HMCN2: variants seen among roughly 807,000 people sequenced by gnomAD.
The protein encoded by HMCN2 is hemicentin 2, also known as hemicentin-2.
In HMCN2, 325 loss-of-function variants were observed where a neutral mutation model predicts 377.5. The observed-to-expected ratio is 0.86, with a 90% confidence interval of 0.79 to 0.94. The LOEUF is 0.94. Among genes scored for constraint, HMCN2 ranks in the 40% least tolerant of loss-of-function variants. The pLI, the probability that HMCN2 is intolerant of heterozygous loss-of-function variation, is 0.00. For synonymous variants in HMCN2, 2,007 were observed against 2,046.8 expected (o/e 0.98, Z 0.53); for missense variants, 4,543 against 4,725.3 (o/e 0.96, Z 1.13).
intron 54 of HMCN2, among the ~76,000 whole-genome samples, chr9:130,381,058 A>G (rs370271818): frequency 3.3e-3 from 508 of 152,072 alleles, no homozygotes; most frequent in South Asian, 0.011. Context: ...CTCCAACCCT[A>G]CCACTCACCT....
intron 84 of HMCN2, 91 bp downstream of exon 84, chr9:130,409,024 T>A: frequency 1.1e-6 from 1 of 879,246 alleles, no homozygotes; most frequent in Non-Finnish European, 1.6e-6. Flanking sequence ...TATTGCCCCC[T>A]CTGCTTCTGC....
chr9:130,407,075 A>G (rs1843134333), intron 82 of HMCN2: 2 of 153,720 alleles, frequency 1.3e-5, no homozygotes, highest in Non-Finnish European at 2.9e-5. Context: ...ACATGGTGAA[A>G]CCCCATCTCT....
chr9:130,341,435 C>A (rs1301552063), intron 24 of HMCN2, 70 bp downstream of exon 24: 3 of 152,380 alleles, frequency 2.0e-5, no homozygotes, highest in African/African-American at 7.2e-5. Flanking sequence ...TTGGGAGGTG[C>A]TCGTCTCTGT....
At chr9:130,429,810 G>A in intron 94 of HMCN2, 125 bp downstream of exon 94, 1 of 1,427,222 alleles carries the variant, frequency 7.0e-7, no homozygotes, top group Non-Finnish European at 9.2e-7. Flanking sequence ...CTCAGCTCAG[G>A]GGCTGAGGGT....
chr9:130,364,380 TA>T (rs1188897101), intron 40 of HMCN2, among the ~76,000 whole-genome samples: 3 of 152,230 alleles, frequency 2.0e-5, no homozygotes, highest in South Asian at 4.1e-4. Context: ...GAGACCTGCT[TA>T]AAAAAATTTT....
At chr9:130,312,539 C>CTTTCTTTCTTTCTTTCTTT (rs1837308978) in intron 15 of HMCN2, among the ~76,000 whole-genome samples, 1 of 6,620 alleles carries the variant, frequency 1.5e-4, no homozygotes, top group African/African-American at 3.9e-4. Flanking sequence ...CTCCCTCCCT[C>CTTTCTTTCTTTCTTTCTTT]CTTTCTTTCT....
chr9:130,398,321 G>C (rs1588394035), intron 74 of HMCN2, among the ~76,000 whole-genome samples: 1 of 152,176 alleles, frequency 6.6e-6, no homozygotes, highest in Admixed American at 6.5e-5. Context: ...AGGCCTGGAG[G>C]CTTCAGTCAA....
rs1466159010 is a variant in HMCN2, at chr9:130,430,523, C to T, written c.14566C>T (p.Arg4856Cys). 50 of 1,550,500 alleles carry T rather than the reference C, an allele frequency of 3.2e-5. No individual in the cohort carries two copies. Among genetic ancestry groups the T allele is most frequent in the Non-Finnish European group, 4.0e-5 (46 of 1,146,990 alleles). The stretch of plus-strand genomic sequence containing the variant: ...CTCCTACCACGCCTGGGTCTCTCTC[C>T]GTCCGGGTCCCATGGCCCTGAGCAG... ...GTSYHAWVSLRPGPMALSSVG... is the reference protein window; with the variant it reads ...GTSYHAWVSLCPGPMALSSVG... Residue 4856 changes from arginine (R) to cysteine (C), a missense_variant, in exon 95 of 98, where the codon CGT (arginine) becomes TGT (cysteine). Coordinates refer to ENST00000683500, the MANE Select transcript of HMCN2 (RefSeq NM_001291815.2).
intron 85 of HMCN2, among the ~76,000 whole-genome samples, chr9:130,412,349 C>T (rs939536051): frequency 6.6e-6 from 1 of 152,106 alleles, no homozygotes; most frequent in Non-Finnish European, 1.5e-5. Flanking sequence ...GGATATAGCC[C>T]TTTATCAGAT....
intron 72 of HMCN2, 28 bp downstream of exon 72, chr9:130,396,093 T>A (rs748389341): frequency 7.4e-6 from 1 of 135,012 alleles, no homozygotes; most frequent in Admixed American, 1.1e-4. Flanking sequence ...CACCCCACCC[T>A]GCCCACCTTA....
chr9:130,400,007 C>T (rs1015192794), intron 76 of HMCN2, among the ~76,000 whole-genome samples: 14 of 152,370 alleles, frequency 9.2e-5, no homozygotes, highest in Non-Finnish European at 1.3e-4. Context: ...ATTCAGCTCA[C>T]GCCAGACCTG....
rs967625080 is a variant in HMCN2, at chr9:130,383,130, C to T, written c.8733+264C>T. Among the ~76,000 whole-genome samples, 7 of 152,304 alleles carry T rather than the reference C, an allele frequency of 4.6e-5. No homozygotes were observed. The South Asian group carries it at 6.2e-4, about 14-fold the overall frequency. On this transcript the variant is annotated intron_variant, in intron 56 of 97. Transcript: ENST00000683500. ...CAGCACCGCACACAGCAGCCTTCCGCGGGATCACCAGCTGGCGCGTGCAGA... is the reference window on the plus strand; with the variant it reads ...CAGCACCGCACACAGCAGCCTTCCGTGGGATCACCAGCTGGCGCGTGCAGA...
rs1425877383 is a variant in HMCN2 at position 130,327,305 on chromosome 9, CGCA to C, written c.3194-2_3194del. ...GCTGACAGGCCCTGCTTACTCTCCC[CGCA>C]GCCAAACCCAGGATCCATATGAACG... On this transcript the variant is annotated splice_acceptor_variant and splice_polypyrimidine_tract_variant and intron_variant, in intron 21 of 97. Coordinates refer to ENST00000683500, the MANE Select transcript of HMCN2 (RefSeq NM_001291815.2). LOFTEE classifies it high-confidence loss of function. 1 of 152,398 alleles carries C rather than the reference CGCA, an allele frequency of 6.6e-6. No individual in the cohort carries two copies. The highest frequency in any genetic ancestry group is 1.5e-5 in the Non-Finnish European group (1 of 68,194). 9.4% of individuals were successfully genotyped at this position (152,398 alleles called of 1,614,324 possible).
At chr9:130,357,074 A>ATGGATGGC (rs2131547821) in intron 34 of HMCN2, among the ~76,000 whole-genome samples, 1 of 148,166 alleles carries the variant, frequency 6.7e-6, no homozygotes, top group African/African-American at 2.5e-5. Flanking sequence ...GGATGGATGG[A>ATGGATGGC]TGGATGGATG....
At chr9:130,275,680 C>T (rs1834652301) in intron 1 of HMCN2, among the ~76,000 whole-genome samples, 1 of 152,192 alleles carries the variant, frequency 6.6e-6, no homozygotes, top group Admixed American at 6.5e-5. Flanking sequence ...GAACTCCTGA[C>T]CTCAAGTGAT....
At position 130,308,872 on chromosome 9, in the gene HMCN2, T is replaced by C. The variant is rs1250730263; in HGVS notation, c.2201-1040T>C. ...GACAAATACTCTCTGATCCCACTTA[T>C]GTGAGTTACCTAGAGATGTCAAATT... is the stretch of plus-strand genomic sequence containing the variant. On this transcript the variant is annotated intron_variant, in intron 14 of 97. Coordinates refer to ENST00000683500, the MANE Select transcript of HMCN2 (RefSeq NM_001291815.2). This position sits in a 1 kb window ranked among gnomAD's most constrained non-coding sequence, Gnocchi z 4.1. Among the ~76,000 whole-genome samples, 2 of 152,362 alleles carry C rather than the reference T, an allele frequency of 1.3e-5. No individual in the cohort carries two copies. Among genetic ancestry groups the C allele is most frequent in the South Asian group, 2.1e-4 (1 of 4,828 alleles).
chr9:130,390,285 C>G lies in HMCN2; in HGVS notation c.9524-692C>G, dbSNP rs963721748. On this transcript the variant is annotated intron_variant, in intron 62 of 97. Transcript: ENST00000683500. ...TGTCCCCCAAGTTCCCCGGCTCCAT[C>G]AGGGGCTCACAGGGCTTGTCAGCAC... 5.3e-5 allele frequency among the ~76,000 whole-genome samples: 8 copies of G among 152,070 alleles called. No individual in the cohort carries two copies. In the East Asian group the frequency reaches 1.5e-3, roughly 29 times the overall value.
chr9:130,276,866 G>C (rs1270471924), intron 1 of HMCN2, among the ~76,000 whole-genome samples: 1 of 152,186 alleles, frequency 6.6e-6, no homozygotes, highest in African/African-American at 2.4e-5. Context: ...GGCTGAGTGC[G>C]GGACCTACCT....
Position 130,422,481 on chromosome 9 carries a change from A to C in HMCN2, c.13232-96A>C, listed in dbSNP as rs1265966350. 2 of 1,015,284 alleles carry C rather than the reference A, an allele frequency of 2.0e-6. No homozygotes were observed. Among genetic ancestry groups the C allele is most frequent in the Non-Finnish European group, 2.6e-6 (2 of 777,848 alleles). 62.9% of individuals were successfully genotyped at this position (1,015,284 alleles called of 1,614,324 possible). ...GTGGAGGTGAACTCTCCGAGCCTCCATTTACTCCTTCACGAAATGGGAATG... is the reference window on the plus strand; with the variant it reads ...GTGGAGGTGAACTCTCCGAGCCTCCCTTTACTCCTTCACGAAATGGGAATG... On this transcript the variant is annotated intron_variant, in intron 86 of 97. Coordinates refer to ENST00000683500, the MANE Select transcript of HMCN2 (RefSeq NM_001291815.2). This position sits in a 1 kb window ranked among gnomAD's most constrained non-coding sequence, Gnocchi z 4.2.
Sources: allele counts gnomAD v4.1 joint callset (sites outside exome capture counted in the v4.1 genomes callset), GRCh38; gene constraint gnomAD v4.1.1; non-coding constraint Gnocchi (gnomAD v3.1); transcripts MANE v1.5; gene names NCBI Gene and HGNC (gene_info 2026-07-23, HGNC 2026-07-21).